KCNIP1: variants seen among roughly 807,000 people sequenced by gnomAD.
KCNIP1 encodes the protein A-type potassium channel modulatory protein KCNIP1.
KCNIP1 carries 18 observed loss-of-function variants against 33.0 expected under a neutral mutation model. That is an observed-to-expected ratio of 0.55 (90% CI 0.38 to 0.81). The LOEUF (loss-of-function observed/expected upper bound fraction) is 0.81, where lower values mean the gene tolerates loss of function less well. KCNIP1 is among the 30% of genes least tolerant of loss of function. The probability of loss-of-function intolerance (pLI) is 0.00; values close to 1 mark genes in which losing one functional copy is unlikely to be tolerated. For synonymous variants in KCNIP1, 93 were observed against 98.3 expected (o/e 0.95, Z 0.32); for missense variants, 238 against 271.6 (o/e 0.88, Z 0.87).
intron 1 of KCNIP1, among the ~76,000 whole-genome samples, chr5:170,493,219 C>A (rs917776920): frequency 1.3e-5 from 2 of 152,184 alleles, no homozygotes; most frequent in Non-Finnish European, 2.9e-5. Flanking sequence ...CACCCTGATG[C>A]TGAACTGAGG....
In KCNIP1 at chr5:170,699,555, T is replaced by TCA. The variant is rs1561771758; in HGVS notation, c.62-19203_62-19202insCA. On this transcript the variant is annotated intron_variant, in intron 1 of 7. Coordinates refer to ENST00000328939, the MANE Select transcript of KCNIP1 (RefSeq NM_014592.4). Reference sequence around the variant, plus strand: ...CTAAAATAAGAATTAAATTGCTCTGTGAAAAAAAAAAAAAAAAAAAAAAGT... The same window carrying TCA: ...CTAAAATAAGAATTAAATTGCTCTGTCAGAAAAAAAAAAAAAAAAAAAAAAGT... 7.0e-4 allele frequency among the ~76,000 whole-genome samples: 83 copies of TCA among 118,196 alleles called. 2 individuals carry two copies. Among genetic ancestry groups the TCA allele is most frequent in the Middle Eastern group, 4.3e-3 (1 of 230 alleles). The allele number at this position is 118,196 out of a possible 152,430, so 77.5% of individuals were successfully genotyped here.
chr5:170,538,325 CA>C (rs1308851435), intron 1 of KCNIP1, among the ~76,000 whole-genome samples: 10 of 152,208 alleles, frequency 6.6e-5, no homozygotes, highest in African/African-American at 2.4e-4. Flanking sequence ...GTCAGCCCCA[CA>C]TGGCCTGACA....
At chr5:170,379,806 C>T (rs78734121) in intron 1 of KCNIP1, among the ~76,000 whole-genome samples, 10,398 of 151,976 alleles carry the variant, frequency 0.068, 435 homozygotes, top group Middle Eastern at 0.15. Context: ...AAAAATTATC[C>T]AGGTGGGCAT....
At chr5:170,356,471 G>T (rs535289380) in intron 1 of KCNIP1, among the ~76,000 whole-genome samples, 1 of 152,276 alleles carries the variant, frequency 6.6e-6, no homozygotes, top group East Asian at 1.9e-4. Context: ...AATCCTTCTT[G>T]CCATTTGTCT....
chr5:170,637,225 G>A (rs921342899), intron 1 of KCNIP1, among the ~76,000 whole-genome samples: 4 of 151,850 alleles, frequency 2.6e-5, no homozygotes, highest in Non-Finnish European at 4.4e-5. Flanking sequence ...CCAGAACCAC[G>A]GCCCTTGACA....
At chr5:170,585,663 C>T (rs1464751156) in intron 1 of KCNIP1, among the ~76,000 whole-genome samples, 1 of 152,152 alleles carries the variant, frequency 6.6e-6, no homozygotes, top group Non-Finnish European at 1.5e-5. Context: ...CACCCAGCAG[C>T]GTCTAGAACT....
intron 2 of KCNIP1, 32 bp downstream of exon 2, chr5:170,718,914 G>T (rs768679350): frequency 3.1e-6 from 5 of 1,595,334 alleles, no homozygotes; most frequent in South Asian, 1.1e-5. Flanking sequence ...AAGGCCTGGG[G>T]GGGGTTCCCA....
chr5:170,563,626 T>C (rs936184745), intron 1 of KCNIP1, among the ~76,000 whole-genome samples: 1 of 87,044 alleles, frequency 1.1e-5, no homozygotes, highest in Non-Finnish European at 2.2e-5. Flanking sequence ...AGTTTTAAGG[T>C]GTTTTGTTTT....
intron 1 of KCNIP1, among the ~76,000 whole-genome samples, chr5:170,651,464 T>C (rs896799595): frequency 5.3e-5 from 8 of 152,228 alleles, no homozygotes; most frequent in African/African-American, 1.9e-4. Context: ...AATGCTTATA[T>C]CTGACCTCAA....
chr5:170,723,045 C>T (rs537657000), intron 5 of KCNIP1, among the ~76,000 whole-genome samples: 128 of 152,238 alleles, frequency 8.4e-4, no homozygotes, highest in African/African-American at 3.0e-3. Context: ...CTCACTGGGT[C>T]ACCTAGATTC....
chr5:170,548,352 C>T (rs939933780), intron 1 of KCNIP1, among the ~76,000 whole-genome samples: 8 of 152,118 alleles, frequency 5.3e-5, no homozygotes, highest in African/African-American at 1.9e-4. Flanking sequence ...TCTCACAGTA[C>T]CTTGTTTTCT....
intron 1 of KCNIP1, among the ~76,000 whole-genome samples, chr5:170,474,884 C>G (rs975932807): frequency 1.3e-5 from 2 of 152,144 alleles, no homozygotes; most frequent in African/African-American, 4.8e-5. Context: ...CAGAACAAAC[C>G]CCCCACCGCG....
chr5:170,408,056 A>G (rs560634325), intron 1 of KCNIP1, among the ~76,000 whole-genome samples: 2 of 152,336 alleles, frequency 1.3e-5, no homozygotes, highest in East Asian at 3.9e-4. Flanking sequence ...CTTCTAGAAC[A>G]GATTAAGGGT....
chr5:170,632,839 G>A (rs1448603680), intron 1 of KCNIP1, among the ~76,000 whole-genome samples: 1 of 152,212 alleles, frequency 6.6e-6, no homozygotes, highest in Non-Finnish European at 1.5e-5. Flanking sequence ...CTGTAAGTGG[G>A]AACGCTAATG....
At chr5:170,471,177 C>T (rs1014379152) in intron 1 of KCNIP1, among the ~76,000 whole-genome samples, 5 of 152,156 alleles carry the variant, frequency 3.3e-5, no homozygotes, top group African/African-American at 1.2e-4. Flanking sequence ...GCCTGGCAGG[C>T]TCCTAAGAGG....
At chr5:170,462,800 T>A (rs150346227) in intron 1 of KCNIP1, among the ~76,000 whole-genome samples, 2 of 152,120 alleles carry the variant, frequency 1.3e-5, no homozygotes, top group African/African-American at 4.8e-5. Context: ...AAAAAAGGAA[T>A]GAATTAGTGG....
At chr5:170,646,345 A>C (rs956522674) in intron 1 of KCNIP1, among the ~76,000 whole-genome samples, 1 of 152,184 alleles carries the variant, frequency 6.6e-6, no homozygotes, top group Non-Finnish European at 1.5e-5. Flanking sequence ...ATTCTCAACA[A>C]AGTATTTGCA....
intron 1 of KCNIP1, among the ~76,000 whole-genome samples, chr5:170,649,692 A>T (rs1760955963): frequency 6.6e-6 from 1 of 151,290 alleles, no homozygotes; most frequent in African/African-American, 2.4e-5. Flanking sequence ...CATTTTTTAG[A>T]TTAGTAGGAG....
intron 1 of KCNIP1, among the ~76,000 whole-genome samples, chr5:170,549,584 C>T (rs966720310): frequency 6.6e-6 from 1 of 152,166 alleles, no homozygotes; most frequent in African/African-American, 2.4e-5. Flanking sequence ...TTGATGAAAC[C>T]ATTGAACACT....
Sources: gnomAD v4.1 joint callset for allele counts (sites outside exome capture counted in the v4.1 genomes callset) on GRCh38, gnomAD v4.1.1 for gene constraint, MANE v1.5 for transcripts, NCBI Gene and HGNC (gene_info 2026-07-23, HGNC 2026-07-21) for gene names.